ZBTB46: variants seen among roughly 807,000 people sequenced by gnomAD.
ZBTB46 encodes zinc finger and BTB domain-containing protein 46.
Under a neutral mutation model 44.1 loss-of-function variants are expected in ZBTB46, and 8 were observed. That is an observed-to-expected ratio of 0.18 (90% CI 0.11 to 0.33). The LOEUF (loss-of-function observed/expected upper bound fraction) is 0.33. Among genes scored for constraint, ZBTB46 ranks in the 10% least tolerant of loss-of-function variants. The probability of loss-of-function intolerance (pLI) is 1.00; values close to 1 mark genes in which losing one functional copy is unlikely to be tolerated. For missense variants in ZBTB46, 651 were observed against 847.7 expected (o/e 0.77, Z 2.88); for synonymous variants, 409 against 382.3 (o/e 1.07, Z -0.81).
chr20:63,768,230 C>T, intron 3 of ZBTB46: 1 of 661,990 alleles, frequency 1.5e-6, no homozygotes, highest in Non-Finnish European at 1.9e-6. Flanking sequence ...TGAGAAACGA[C>T]TCGTGTGGGA....
chr20:63,810,088 G>A (rs925751469), intron 1 of ZBTB46, among the ~76,000 whole-genome samples: 24 of 152,212 alleles, frequency 1.6e-4, no homozygotes, highest in African/African-American at 4.6e-4. Flanking sequence ...AGCCTGCAGC[G>A]TGGGGATGAG....
At chr20:63,831,745 T>G (rs2092853600), upstream of ZBTB46, among the ~76,000 whole-genome samples, 1 of 150,082 alleles carries the variant, frequency 6.7e-6, no homozygotes. Flanking sequence ...CACGCGCAGG[T>G]TCCTCGGGGG....
At chr20:63,747,488 CCGG>C (rs1393079227) in intron 4 of ZBTB46, among the ~76,000 whole-genome samples, 187 bp from the exon 5 acceptor site, 1 of 41,706 alleles carries the variant, frequency 2.4e-5, no homozygotes, top group African/African-American at 8.3e-5. Context: ...TGAGCAGGGC[CCGG>C]TGGAGGTTGG....
chr20:63,755,128 C>T (rs959945503), intron 3 of ZBTB46, among the ~76,000 whole-genome samples: 2 of 152,240 alleles, frequency 1.3e-5, no homozygotes, highest in African/African-American at 4.8e-5. Context: ...GCCACGGACC[C>T]AGGGCAGAGC....
At chr20:63,749,692 A>G (rs1348348818) in intron 4 of ZBTB46, among the ~76,000 whole-genome samples, 1 of 152,238 alleles carries the variant, frequency 6.6e-6, no homozygotes, top group Non-Finnish European at 1.5e-5. Flanking sequence ...GACAAGCCAC[A>G]GTAGAAACTT....
At chr20:63,757,606 G>C (rs1318692630) in intron 3 of ZBTB46, among the ~76,000 whole-genome samples, 1 of 152,102 alleles carries the variant, frequency 6.6e-6, no homozygotes, top group Non-Finnish European at 1.5e-5. Context: ...CTTGATGTCT[G>C]CATCTGTCAG....
At chr20:63,793,737 C>T (rs1188436861) in intron 1 of ZBTB46, among the ~76,000 whole-genome samples, 2 of 152,170 alleles carry the variant, frequency 1.3e-5, no homozygotes, top group Admixed American at 6.6e-5. Flanking sequence ...TACCTCACAA[C>T]GGTTCACATC....
intron 4 of ZBTB46, among the ~76,000 whole-genome samples, chr20:63,749,183 G>A (rs1222292283): frequency 6.6e-6 from 1 of 152,218 alleles, no homozygotes; most frequent in African/African-American, 2.4e-5. Flanking sequence ...GCGCTGTCCA[G>A]GGATGTGAGA....
chr20:63,747,490 G>A (rs1433847901), intron 4 of ZBTB46, among the ~76,000 whole-genome samples, 189 bp from the exon 5 acceptor site: 7 of 73,246 alleles, frequency 9.6e-5, no homozygotes, highest in East Asian at 5.1e-4. Context: ...AGCAGGGCCC[G>A]GTGGAGGTTG....
intron 2 of ZBTB46, among the ~76,000 whole-genome samples, chr20:63,780,536 C>T (rs1398732555): frequency 3.3e-5 from 5 of 152,132 alleles, no homozygotes; most frequent in Admixed American, 3.3e-4. Flanking sequence ...GGCACGGTGG[C>T]TCATGCCTGT....
At chr20:63,780,820 T>C (rs1316191326) in intron 2 of ZBTB46, among the ~76,000 whole-genome samples, 1 of 147,074 alleles carries the variant, frequency 6.8e-6, no homozygotes, top group Non-Finnish European at 1.5e-5. Flanking sequence ...AGGATCCTCC[T>C]GAAGAGACAC....
intron 3 of ZBTB46, among the ~76,000 whole-genome samples, chr20:63,764,777 T>C (rs2092304925): frequency 6.6e-6 from 1 of 151,606 alleles, no homozygotes; most frequent in South Asian, 2.1e-4. Context: ...TAATTTTGTA[T>C]TTTTAGTAGA....
intron 1 of ZBTB46, among the ~76,000 whole-genome samples, chr20:63,815,989 G>A (rs2092752864): frequency 6.7e-6 from 1 of 150,242 alleles, no homozygotes; most frequent in Non-Finnish European, 1.5e-5. Context: ...GGGCGCAGGT[G>A]CAGTGGGCAC....
chr20:63,817,381 G>T (rs189043281), intron 1 of ZBTB46, among the ~76,000 whole-genome samples: 29 of 152,124 alleles, frequency 1.9e-4, no homozygotes, highest in South Asian at 4.2e-4. Context: ...CTCCAGCCTG[G>T]CCCACAGAGT....
chr20:63,770,967 C>G (rs1265220223), intron 3 of ZBTB46, among the ~76,000 whole-genome samples: 1 of 128,810 alleles, frequency 7.8e-6, no homozygotes, highest in African/African-American at 3.0e-5. Context: ...CCACGCCCGG[C>G]ACAGCAGCCA....
At chr20:63,760,850 G>A (rs2092268282) in intron 3 of ZBTB46, among the ~76,000 whole-genome samples, 1 of 150,734 alleles carries the variant, frequency 6.6e-6, no homozygotes, top group Non-Finnish European at 1.5e-5. Context: ...ATGCAGCAGT[G>A]CAATCATAGC....
In ZBTB46 at chr20:63,776,665, G is replaced by A. The variant is rs1422293963; in HGVS notation, c.938-703C>T. Among the ~76,000 whole-genome samples, 9 of 152,010 alleles carry A rather than the reference G, an allele frequency of 5.9e-5. No individual in the cohort carries two copies. The South Asian group carries it at 1.2e-3, about 21-fold the overall frequency. ...CTAAAAATACAAAAATTAGCCGGGC[G>A]TGGTGGCACGTGCCTGTAATCCCAG... is the stretch of plus-strand genomic sequence containing the variant. On this transcript the variant is annotated intron_variant, in intron 2 of 4. Coordinates refer to ENST00000245663, the MANE Select transcript of ZBTB46 (RefSeq NM_001369741.1).
At chr20:63,759,150 C>G (rs2092252079) in intron 3 of ZBTB46, among the ~76,000 whole-genome samples, 1 of 152,104 alleles carries the variant, frequency 6.6e-6, no homozygotes, top group East Asian at 1.9e-4. Flanking sequence ...GTGTAGAGGT[C>G]TTTGCATATT....
intron 3 of ZBTB46, among the ~76,000 whole-genome samples, chr20:63,758,557 G>C (rs2092245527): frequency 2.0e-5 from 3 of 151,852 alleles, no homozygotes. Context: ...TACGACACCA[G>C]ATTAACACAA....
Sources: gnomAD v4.1 joint callset for allele counts (sites outside exome capture counted in the v4.1 genomes callset) on GRCh38, gnomAD v4.1.1 for gene constraint, MANE v1.5 for transcripts, NCBI Gene and HGNC (gene_info 2026-07-23, HGNC 2026-07-21) for gene names.